The following ACOT7 variants were observed in gnomAD, a reference collection of about 807,000 sequenced individuals.
The protein encoded by ACOT7 is acyl-CoA thioesterase 7.
Under a neutral mutation model 40.2 loss-of-function variants are expected in ACOT7, and 12 were observed. The ratio of observed to expected loss-of-function variants is 0.30; its 90% CI spans 0.19 to 0.48. The LOEUF (loss-of-function observed/expected upper bound fraction) is 0.48, where lower values mean the gene tolerates loss of function less well. ACOT7 is among the 20% of genes least tolerant of loss of function. The pLI is 0.99. For synonymous variants in ACOT7, 228 were observed against 219.5 expected (o/e 1.04, Z -0.34); for missense variants, 395 against 530.8 (o/e 0.74, Z 2.51).
chr1:6,267,116 A>G (rs890349491), intron 8 of ACOT7, among the ~76,000 whole-genome samples: 1 of 152,150 alleles, frequency 6.6e-6, no homozygotes, highest in Non-Finnish European at 1.5e-5. Context: ...AGCAGGAGAG[A>G]GCGAGCCTGG....
chr1:6,273,158 A>G (rs1034606458), intron 8 of ACOT7, among the ~76,000 whole-genome samples: 2 of 152,248 alleles, frequency 1.3e-5, no homozygotes, highest in African/African-American at 4.8e-5. Context: ...CAGAAGGGCC[A>G]GTGTGTGGCT....
At chr1:6,328,131 G>A (rs1296302540) in intron 4 of ACOT7, among the ~76,000 whole-genome samples, 1 of 152,026 alleles carries the variant, frequency 6.6e-6, no homozygotes, top group Non-Finnish European at 1.5e-5. Flanking sequence ...ATTTTGCACT[G>A]TCCCATTGCT....
intron 5 of ACOT7, among the ~76,000 whole-genome samples, chr1:6,322,683 C>T (rs889279655): frequency 2.0e-5 from 3 of 152,218 alleles, no homozygotes; most frequent in Non-Finnish European, 4.4e-5. Flanking sequence ...GACACCAGCC[C>T]ACCCTAATGA....
rs1321395695 is a variant in ACOT7, at chr1:6,274,817, G to GGGTGGGCGGCGCAGTGCA, written c.1014+6267_1014+6284dup. Among the ~76,000 whole-genome samples the GGGTGGGCGGCGCAGTGCA allele has an allele frequency of 1.4e-4, 22 of 152,304 alleles. No homozygotes were observed. The highest frequency in any genetic ancestry group is 5.1e-4 in the African/African-American group (21 of 41,562). The stretch of plus-strand genomic sequence containing the variant: ...AAAGGCCCTGGGCTGAGCGCGGTGT[G>GGGTGGGCGGCGCAGTGCA]GGTGGGCGGCGCAGTGCAGGTGGGC... On this transcript the variant is annotated intron_variant, in intron 8 of 8. Coordinates refer to ENST00000361521, the MANE Select transcript of ACOT7 (RefSeq NM_007274.4). This position sits in a 1 kb window ranked among gnomAD's most constrained non-coding sequence, Gnocchi z 5.9.
chr1:6,351,528 G>A (rs972788920), intron 1 of ACOT7, among the ~76,000 whole-genome samples: 1 of 152,238 alleles, frequency 6.6e-6, no homozygotes, highest in Non-Finnish European at 1.5e-5. Context: ...TTAGTAGGAA[G>A]GGCCTTCCCC....
At chr1:6,346,329 T>G (rs991541852) in intron 2 of ACOT7, among the ~76,000 whole-genome samples, 2 of 152,206 alleles carry the variant, frequency 1.3e-5, no homozygotes, top group African/African-American at 4.8e-5. Context: ...CTCAAACTCC[T>G]GAGCTCAAGT....
chr1:6,303,892 T>C (rs1178455440), intron 6 of ACOT7, among the ~76,000 whole-genome samples: 2 of 152,136 alleles, frequency 1.3e-5, no homozygotes. Context: ...ATTCCTTACA[T>C]TCTATAGAGT....
chr1:6,356,632 G>C (rs1318702039), intron 1 of ACOT7, among the ~76,000 whole-genome samples: 1 of 152,206 alleles, frequency 6.6e-6, no homozygotes, highest in Non-Finnish European at 1.5e-5. Flanking sequence ...AAAAATGTCA[G>C]TGCTGGCCAA....
In ACOT7 at chr1:6,358,950, C is replaced by A. The variant is rs147454006; in HGVS notation, c.144-9084G>T. The A allele has an allele frequency of 2.1e-5, 32 of 1,514,002 alleles. No individual in the cohort carries two copies. In the South Asian group the frequency reaches 2.8e-4, roughly 13 times the overall value. The allele number at this position is 1,514,002 out of a possible 1,614,324, so 93.8% of individuals were successfully genotyped here. On this transcript the variant is annotated intron_variant, in intron 1 of 8. Transcript: ENST00000361521. The surrounding 1 kb of genome is among the most constrained non-coding windows in gnomAD (Gnocchi z 4.1). ...GGACTGTCCCAGCTCCCTGCCACAC[C>A]GGGCTTGGTGGGGAGCACCCCCCAC... is the stretch of plus-strand genomic sequence containing the variant.
Position 6,274,390 on chromosome 1 carries a change from C to T in ACOT7, c.1014+6712G>A, listed in dbSNP as rs2148369859. ...TTCCAGAAGGCTGCAGAGGGCCTTTCAGCTGACTTAAGCCCTGGGGCCCAT... is the reference window on the plus strand; with the variant it reads ...TTCCAGAAGGCTGCAGAGGGCCTTTTAGCTGACTTAAGCCCTGGGGCCCAT... On this transcript the variant is annotated intron_variant, in intron 8 of 8. Transcript: ENST00000361521. The surrounding 1 kb of genome is among the most constrained non-coding windows in gnomAD (Gnocchi z 5.9). Among the ~76,000 whole-genome samples the T allele has an allele frequency of 6.6e-6, 1 of 152,362 alleles. No homozygotes were observed. Among genetic ancestry groups the T allele is most frequent in the South Asian group, 2.1e-4 (1 of 4,824 alleles).
chr1:6,289,619 C>G lies in ACOT7; in HGVS notation c.829+5245G>C, dbSNP rs1639608980. On this transcript the variant is annotated intron_variant, in intron 7 of 8. Transcript: ENST00000361521. This position sits in a 1 kb window ranked among gnomAD's most constrained non-coding sequence, Gnocchi z 4.6. ...AAACTCCAGGGCTCAAGTGATCTTC[C>G]TGCCTCAGCCTCACAAAGTGTTGGA... Among the ~76,000 whole-genome samples, 1 of 151,980 alleles carries G rather than the reference C, an allele frequency of 6.6e-6. No individual in the cohort carries two copies. The highest frequency in any genetic ancestry group is 1.5e-5 in the Non-Finnish European group (1 of 67,984).
At chr1:6,388,504 C>T (rs1233797255) in intron 1 of ACOT7, among the ~76,000 whole-genome samples, 1 of 151,056 alleles carries the variant, frequency 6.6e-6, no homozygotes, top group African/African-American at 2.4e-5. Context: ...TTTGGGAGGC[C>T]GAGGCGGGCA....
At chr1:6,344,491 C>T (rs1049137734) in intron 2 of ACOT7, among the ~76,000 whole-genome samples, 7 of 152,096 alleles carry the variant, frequency 4.6e-5, no homozygotes, top group African/African-American at 1.4e-4. Context: ...TAGGGCCGGG[C>T]GCAGTGGCTC....
Position 6,359,714 on chromosome 1 carries a change from T to C in ACOT7, c.144-9848A>G, listed in dbSNP as rs942716455. ...GAGGCCCAGTGCAGGAGGCGGGATG[T>C]GTTATCACCACAACCTCCCCCAATG... is the stretch of plus-strand genomic sequence containing the variant. On this transcript the variant is annotated intron_variant, in intron 1 of 8. Transcript: ENST00000361521. The surrounding 1 kb of genome is among the most constrained non-coding windows in gnomAD (Gnocchi z 4.1). Among the ~76,000 whole-genome samples, 1 of 152,176 alleles carries C rather than the reference T, an allele frequency of 6.6e-6. No homozygotes were observed. Among genetic ancestry groups the C allele is most frequent in the African/African-American group, 2.4e-5 (1 of 41,440 alleles).
At chr1:6,339,630 C>G in intron 2 of ACOT7, 41 bp from the exon 3 acceptor site, 1 of 1,599,438 alleles carries the variant, frequency 6.3e-7, no homozygotes, top group Non-Finnish European at 8.5e-7. Flanking sequence ...GTCAGCCAGC[C>G]CAGCCCCGAG....
At chr1:6,363,444 T>G (rs4908882) in intron 1 of ACOT7, among the ~76,000 whole-genome samples, 17,133 of 152,176 alleles carry the variant, frequency 0.11, 1,145 homozygotes, top group African/African-American at 0.18. Flanking sequence ...CCCGCAGTTA[T>G]CCGGAGGCCT....
intron 4 of ACOT7, among the ~76,000 whole-genome samples, chr1:6,332,241 G>A (rs1640975657): frequency 6.6e-6 from 1 of 152,208 alleles, no homozygotes; most frequent in Non-Finnish European, 1.5e-5. Flanking sequence ...CAGAGACTCA[G>A]AATCCTGGTT....
rs1017210411 is a variant in ACOT7, at chr1:6,307,299, G to A, written c.712+11193C>T. 8.5e-5 allele frequency among the ~76,000 whole-genome samples: 13 copies of A among 152,256 alleles called. No individual in the cohort carries two copies. In the East Asian group the frequency reaches 1.3e-3, roughly 16 times the overall value. On this transcript the variant is annotated intron_variant, in intron 6 of 8. Coordinates refer to ENST00000361521, the MANE Select transcript of ACOT7 (RefSeq NM_007274.4). ...CAATCCTCTGGGTGGGGCTGACTGCGCGGCACCAGCACAGTCCGCAGTCCT... is the reference window on the plus strand; with the variant it reads ...CAATCCTCTGGGTGGGGCTGACTGCACGGCACCAGCACAGTCCGCAGTCCT...
At chr1:6,362,201 C>T (rs151167328) in intron 1 of ACOT7, among the ~76,000 whole-genome samples, 3,782 of 151,942 alleles carry the variant, frequency 0.025, 153 homozygotes, top group African/African-American at 0.086. Flanking sequence ...GAGGCCAAGG[C>T]GGGCGGATCA....
Sources: allele counts gnomAD v4.1 joint callset (sites outside exome capture counted in the v4.1 genomes callset), GRCh38; gene constraint gnomAD v4.1.1; non-coding constraint Gnocchi (gnomAD v3.1); transcripts MANE v1.5; gene names NCBI Gene and HGNC (gene_info 2026-07-23, HGNC 2026-07-21).